SLC4A1: variants seen among roughly 807,000 people sequenced by gnomAD.
The protein encoded by SLC4A1 is band 3 anion transport protein.
A neutral mutation model predicts 93.1 loss-of-function variants in SLC4A1; 29 were observed. That is an observed-to-expected ratio of 0.31 (90% confidence interval 0.23 to 0.42). The LOEUF (loss-of-function observed/expected upper bound fraction) is 0.42, where lower values mean the gene tolerates loss of function less well. SLC4A1 is among the 20% of genes least tolerant of loss of function. The probability of loss-of-function intolerance (pLI) is 1.00; values close to 1 mark genes in which losing one functional copy is unlikely to be tolerated. For synonymous variants in SLC4A1, 469 were observed against 497.2 expected (o/e 0.94, Z 0.76); for missense variants, 965 against 1,190.1 (o/e 0.81, Z 2.78).
chr17:44,251,720 C>CTTTTTTTTTTTTTTTCT (rs2047342658), intron 17 of SLC4A1, 132 bp from the exon 18 acceptor site: 3 of 359,772 alleles, frequency 8.3e-6, no homozygotes, highest in Non-Finnish European at 1.4e-5. Context: ...CTTTTCTTTT[C>CTTTTTTTTTTTTTTTCT]TTTTTTTTTT....
Position 44,259,516 on chromosome 17 carries a change from C to T in SLC4A1, c.675G>A (p.Glu225=). 1.2e-6 allele frequency: 2 copies of T among 1,614,048 alleles called. No homozygotes were observed. The highest frequency in any genetic ancestry group is 1.7e-6 in the Non-Finnish European group (2 of 1,179,916). ...GILEKIPPDS[E]ATLVLVGRAD... ...TCTTACCCACTAGCACCAACGTGGC[C>T]TCTGAATCCGGGGGAATCTTTTCCA... Residue 225 remains glutamate, a synonymous_variant, in exon 8 of 20, where the codon GAG becomes GAA. Coordinates refer to ENST00000262418, the MANE Select transcript of SLC4A1 (RefSeq NM_000342.4).
intron 7 of SLC4A1, 43 bp from the exon 8 acceptor site, chr17:44,259,624 G>T: frequency 6.5e-7 from 1 of 1,539,106 alleles, no homozygotes; most frequent in South Asian, 1.1e-5. Context: ...GGGCCAGTCT[G>T]ACCTGGGAGA....
chr17:44,258,470 G>T lies in SLC4A1; in HGVS notation c.1030C>A (p.Arg344=), dbSNP rs750930293. The change falls in exon 10 of 20, where the codon CGA becomes AGA. Residue 344 remains arginine, a synonymous_variant. Transcript: ENST00000262418. The surrounding 1 kb of genome is among the most constrained non-coding windows in gnomAD (Gnocchi z 6.1). ...SLVPVQRELL[R]RRYQSSPAKP... ...GCAGGGCTGGACTGATAGCGCCTTCGAAGTAGCTCCCTCTGCACAGGCACC... is the reference window on the plus strand; with the variant it reads ...GCAGGGCTGGACTGATAGCGCCTTCTAAGTAGCTCCCTCTGCACAGGCACC... The T allele has an allele frequency of 1.9e-6, 3 of 1,614,044 alleles. No homozygotes were observed. The South Asian group carries it at 3.3e-5, about 18-fold the overall frequency.
chr17:44,257,978 G>T lies in SLC4A1; in HGVS notation c.1282+8C>A, dbSNP rs199708798. ...GCAAGAGTTAGGGAGACAGGTATTG[G>T]CACTGACCCAGGAGGCCGCCGAAGG... On this transcript the variant is annotated splice_region_variant and intron_variant, in intron 11 of 19. Coordinates refer to ENST00000262418, the MANE Select transcript of SLC4A1 (RefSeq NM_000342.4). 1 of 1,613,972 alleles carries T rather than the reference G, an allele frequency of 6.2e-7. No individual in the cohort carries two copies.
chr17:44,264,188 G>A (rs548663905), intron 1 of SLC4A1, among the ~76,000 whole-genome samples: 2 of 152,130 alleles, frequency 1.3e-5, no homozygotes, highest in Non-Finnish European at 2.9e-5. Flanking sequence ...GGTTGGGCGT[G>A]GTGGCTCACA....
rs989804238 is a variant in SLC4A1, at chr17:44,251,689, T to A, written c.2312-101A>T. On this transcript the variant is annotated intron_variant, in intron 17 of 19. Coordinates refer to ENST00000262418, the MANE Select transcript of SLC4A1 (RefSeq NM_000342.4). Reference sequence around the variant, plus strand: ...GGCTGGGAATAAAACACAGGCACCATATGGAGCCATTTCTTTTTTCCTTTT... The same window carrying A: ...GGCTGGGAATAAAACACAGGCACCAAATGGAGCCATTTCTTTTTTCCTTTT... 6.9e-6 allele frequency: 6 copies of A among 864,872 alleles called. No individual in the cohort carries two copies. In the African/African-American group the frequency reaches 1.0e-4, roughly 15 times the overall value. 53.6% of individuals were successfully genotyped at this position (864,872 alleles called of 1,614,324 possible). A position where few individuals can be genotyped will look rare whatever the true frequency, so the allele number is the denominator to read the frequency against.
chr17:44,261,671 C>T (rs13306784), intron 3 of SLC4A1, 35 bp from the exon 4 acceptor site: 129 of 1,613,912 alleles, frequency 8.0e-5, no homozygotes, highest in East Asian at 7.1e-4. Flanking sequence ...TTGACCTGAC[C>T]GTCCCCCACC....
In SLC4A1 at chr17:44,258,361, T is replaced by G. The variant is rs1598300248; in HGVS notation, c.1087+52A>C. ...ATGGGAGACAGAGGCTACGCTGAGG[T>G]GTCTGGGGGTCGGTGGGGGCTCAGA... On this transcript the variant is annotated intron_variant, in intron 10 of 19. Transcript: ENST00000262418. The surrounding 1 kb of genome is among the most constrained non-coding windows in gnomAD (Gnocchi z 6.1). 6.5e-7 allele frequency: 1 copy of G among 1,549,382 alleles called. No homozygotes were observed. The highest frequency in any genetic ancestry group is 8.9e-7 in the Non-Finnish European group (1 of 1,121,828).
At chr17:44,265,155 C>A (rs1202979455) in intron 1 of SLC4A1, among the ~76,000 whole-genome samples, 1 of 151,338 alleles carries the variant, frequency 6.6e-6, no homozygotes, top group African/African-American at 2.4e-5. Flanking sequence ...CTGAACAAGG[C>A]CCGTCTCTAC....
chr17:44,252,032 G>A (rs1387443035), intron 17 of SLC4A1, among the ~76,000 whole-genome samples: 1 of 144,682 alleles, frequency 6.9e-6, no homozygotes, highest in Non-Finnish European at 1.5e-5. Flanking sequence ...CTGGCCTGGA[G>A]CTATTCCTAT....
In SLC4A1 at chr17:44,248,706, TGGGTG is replaced by T. The variant is rs1294711443; in HGVS notation, c.*1747_*1751del. ...GTAGCATGGGCGAAGTGGTGAAAGGTGGGTGTCAGCTTTCAGGGACAGGAGAGCCT... is the reference window on the plus strand; with the variant it reads ...GTAGCATGGGCGAAGTGGTGAAAGGTTCAGCTTTCAGGGACAGGAGAGCCT... On this transcript the variant is annotated 3_prime_UTR_variant, in exon 20 of 20. Coordinates refer to ENST00000262418, the MANE Select transcript of SLC4A1 (RefSeq NM_000342.4). 3.2e-5 allele frequency: 5 copies of T among 155,546 alleles called. No homozygotes were observed. Among genetic ancestry groups the T allele is most frequent in the African/African-American group, 1.2e-4 (5 of 41,332 alleles). The allele number at this position is 155,546 out of a possible 1,614,324, so 9.6% of individuals were successfully genotyped here.
chr17:44,251,729 T>TG (rs1022196128), intron 17 of SLC4A1, 141 bp from the exon 18 acceptor site: 67 of 659,632 alleles, frequency 1.0e-4, no homozygotes, highest in African/African-American at 2.1e-4. Context: ...TCTTTTTTTT[T>TG]TTTTTTTTTT....
At position 44,254,587 on chromosome 17, in the gene SLC4A1, G is replaced by T; in HGVS notation, c.1966C>A (p.Arg656Ser). The change falls in exon 16 of 20, where the codon CGT (arginine) becomes AGT (serine). Residue 656 changes from arginine (R) to serine (S), a missense_variant. By Grantham distance (110) the Arg-to-Ser change is moderately radical. Coordinates refer to ENST00000262418, the MANE Select transcript of SLC4A1 (RefSeq NM_000342.4). ...ATCATCCAGATGGGAAACTCGGAAC[G>T]CAAGCCCAGTGGGTGGATGACCCAG... ...RGWVIHPLGL[R>S]SEFPIWMMFA... The T allele has an allele frequency of 3.7e-6, 6 of 1,614,040 alleles. No homozygotes were observed. The highest frequency in any genetic ancestry group is 5.1e-6 in the Non-Finnish European group (6 of 1,179,952).
chr17:44,260,634 C>A lies in SLC4A1; in HGVS notation c.349+1G>T. On this transcript the variant is annotated splice_donor_variant, in intron 5 of 19. Transcript: ENST00000262418. LOFTEE classifies it high-confidence loss of function. ...GGTCCAGAAGGGCCCAGGAGGCTCA[C>A]CCTTGGTGAAGACTCTACGCAGCTC... is the stretch of plus-strand genomic sequence containing the variant. 1 of 1,614,126 alleles carries A rather than the reference C, an allele frequency of 6.2e-7. No individual in the cohort carries two copies. The highest frequency in any genetic ancestry group is 8.5e-7 in the Non-Finnish European group (1 of 1,179,988).
In SLC4A1 at chr17:44,254,672, G is replaced by T; in HGVS notation, c.1891-10C>A. On this transcript the variant is annotated splice_polypyrimidine_tract_variant and intron_variant, in intron 15 of 19. Coordinates refer to ENST00000262418, the MANE Select transcript of SLC4A1 (RefSeq NM_000342.4). ...CAGGCACCGAGAGTTTCTGTGGGAG[G>T]GGGTAGCAGGTAAGAATGCCAAGGG... 1.2e-6 allele frequency: 2 copies of T among 1,613,600 alleles called. No individual in the cohort carries two copies. The highest frequency in any genetic ancestry group is 1.1e-5 in the South Asian group (1 of 91,016).
Position 44,248,745 on chromosome 17 carries a change from C to G in SLC4A1, c.*1713G>C, listed in dbSNP as rs2047314495. ...CAGGGACAGGAGAGCCTCCCATGGACTGAGCTAGCCTGGGAGGTACAAATA... is the reference window on the plus strand; with the variant it reads ...CAGGGACAGGAGAGCCTCCCATGGAGTGAGCTAGCCTGGGAGGTACAAATA... On this transcript the variant is annotated 3_prime_UTR_variant, in exon 20 of 20. Transcript: ENST00000262418. 1 of 157,962 alleles carries G rather than the reference C, an allele frequency of 6.3e-6. No homozygotes were observed. The highest frequency in any genetic ancestry group is 6.3e-5 in the Admixed American group (1 of 15,788). 9.8% of individuals were successfully genotyped at this position (157,962 alleles called of 1,614,324 possible).
chr17:44,262,082 G>A, intron 3 of SLC4A1: 1 of 1,110,354 alleles, frequency 9.0e-7, no homozygotes, highest in Non-Finnish European at 1.1e-6. Context: ...ACCAGGGTGG[G>A]TCAGCCCCTT....
Position 44,261,645 on chromosome 17 carries a change from C to A in SLC4A1, c.107-9G>T. On this transcript the variant is annotated splice_polypyrimidine_tract_variant and intron_variant, in intron 3 of 19. Transcript: ENST00000262418. Reference sequence around the variant, plus strand: ...TGCCTCGGTGTCGTGAGCTGAAAACCAGAGGTCGGTTAGTATTGACCTGAC... The same window carrying A: ...TGCCTCGGTGTCGTGAGCTGAAAACAAGAGGTCGGTTAGTATTGACCTGAC... The A allele has an allele frequency of 6.2e-7, 1 of 1,614,122 alleles. No individual in the cohort carries two copies. The highest frequency in any genetic ancestry group is 8.5e-7 in the Non-Finnish European group (1 of 1,179,996).
intron 7 of SLC4A1, 34 bp downstream of exon 7, chr17:44,259,773 ACC>A (rs2047425390): frequency 6.2e-7 from 1 of 1,612,344 alleles, no homozygotes; most frequent in African/African-American, 1.3e-5. Context: ...TCCTTGCCCC[ACC>A]CTGACCCTGA....
Sources: gnomAD v4.1 joint callset for allele counts (sites outside exome capture counted in the v4.1 genomes callset) on GRCh38, gnomAD v4.1.1 for gene constraint, Gnocchi (gnomAD v3.1) non-coding constraint, MANE v1.5 for transcripts, NCBI Gene and HGNC (gene_info 2026-07-23, HGNC 2026-07-21) for gene names.